The following TSACC variants were observed in gnomAD, a reference collection of about 807,000 sequenced individuals.
The protein encoded by TSACC is TSSK6-activating co-chaperone protein.
In TSACC, 3 loss-of-function variants were observed where a neutral mutation model predicts 6.9. The ratio of observed to expected loss-of-function variants is 0.43; its 90% confidence interval spans 0.20 to 1.12. TSACC has a LOEUF of 1.12. Ranked by LOEUF, TSACC falls within the 50% of genes most tolerant of loss-of-function variation. The pLI, the probability that TSACC is intolerant of heterozygous loss-of-function variation, is 0.28. For missense variants in TSACC, 137 were observed against 143.9 expected (o/e 0.95, Z 0.24); for synonymous variants, 54 against 55.1 (o/e 0.98, Z 0.09).
In TSACC at chr1:156,346,947, C is replaced by T. The variant is rs1418675416; in HGVS notation, c.343C>T (p.Pro115Ser). ...NSSLPALSPN[P>S]LLNHLPQFSK ...TTCTCTCCCAGCCTTATCTCCTAAT[C>T]CATTGTTAAATCACCTGCCCCAATT... The change falls in exon 4 of 4, where the codon CCA becomes TCA. Residue 115 changes from proline (P) to serine (S), a missense_variant. By Grantham distance (74) the Pro-to-Ser change is moderately conservative (BLOSUM62 -1). Transcript: ENST00000368254. 12 of 1,614,040 alleles carry T rather than the reference C, an allele frequency of 7.4e-6. No homozygotes were observed. Among genetic ancestry groups the T allele is most frequent in the African/African-American group, 1.3e-5 (1 of 74,912 alleles).
Position 156,338,563 on chromosome 1 carries a change from T to G in TSACC, c.-167T>G. On this transcript the variant is annotated 5_prime_UTR_variant, in exon 1 of 4. Coordinates refer to ENST00000368254, the MANE Select transcript of TSACC (RefSeq NM_001304817.2). ...CACCACTACGCATGTGTGTCAACTC[T>G]AGGGTTGGGTGCTGGGGTTGCGGCT... 2.9e-6 allele frequency: 1 copy of G among 341,350 alleles called. No individual in the cohort carries two copies. The highest frequency in any genetic ancestry group is 2.1e-5 in the African/African-American group (1 of 47,966). The allele number at this position is 341,350 out of a possible 1,614,324, so 21.1% of individuals were successfully genotyped here.
intron 3 of TSACC, 78 bp downstream of exon 3, chr1:156,344,786 C>T: frequency 6.5e-7 from 1 of 1,537,042 alleles, no homozygotes; most frequent in Non-Finnish European, 8.8e-7. Context: ...GAGCTGTCGC[C>T]TATTGATCAA....
rs1428038450 is a variant in TSACC, at chr1:156,339,701, T to C, written c.-57T>C. 1.2e-6 allele frequency: 2 copies of C among 1,605,638 alleles called. No homozygotes were observed. The highest frequency in any genetic ancestry group is 2.7e-5 in the African/African-American group (2 of 74,702). ...ATCATAGTGAAAATACTAACATGGA[T>C]TGTTGATCATCTGATGCTATGATTC... On this transcript the variant is annotated 5_prime_UTR_variant, in exon 2 of 4. Transcript: ENST00000368254.
intron 2 of TSACC, 119 bp downstream of exon 2, chr1:156,339,910 A>G: frequency 1.0e-6 from 1 of 967,876 alleles, no homozygotes. Flanking sequence ...TAAATAGTAG[A>G]TGCTCAGTAA....
upstream of TSACC, chr1:156,337,362 C>A: frequency 9.6e-6 from 2 of 209,022 alleles, no homozygotes; most frequent in Non-Finnish European, 2.0e-5. Flanking sequence ...GAACAGAGAT[C>A]GCGCCACTGC....
chr1:156,345,149 C>T (rs773841519), intron 3 of TSACC, among the ~76,000 whole-genome samples: 5 of 152,200 alleles, frequency 3.3e-5, no homozygotes, highest in Non-Finnish European at 7.3e-5. Flanking sequence ...CAACAGGGCA[C>T]TAACTAGACA....
Position 156,346,773 on chromosome 1 carries a change from C to T in TSACC, c.169C>T (p.His57Tyr). ...IQTTKLPSVD[H>Y]KPKECLGLLE... Reference sequence around the variant, plus strand: ...CGTTGCTTTTCCTTCTGGAGTTGATCACAAGCCCAAGGAATGCCTAGGACT... The same window carrying T: ...CGTTGCTTTTCCTTCTGGAGTTGATTACAAGCCCAAGGAATGCCTAGGACT... The change falls in exon 4 of 4, where the codon CAC (histidine) becomes TAC (tyrosine). Residue 57 changes from histidine (H) to tyrosine (Y), a missense_variant. Physicochemically the swap from His to Tyr is moderately conservative, Grantham distance 83. Coordinates refer to ENST00000368254, the MANE Select transcript of TSACC (RefSeq NM_001304817.2). 1 of 1,614,050 alleles carries T rather than the reference C, an allele frequency of 6.2e-7. No homozygotes were observed. Among genetic ancestry groups the T allele is most frequent in the Non-Finnish European group, 8.5e-7 (1 of 1,179,974 alleles).
chr1:156,340,423 T>A (rs2101701846), intron 2 of TSACC, among the ~76,000 whole-genome samples: 1 of 151,784 alleles, frequency 6.6e-6, no homozygotes, highest in African/African-American at 2.4e-5. Context: ...ACTCCCAAAG[T>A]GCTGGGATTA....
At chr1:156,341,877 C>G (rs1167887937) in intron 2 of TSACC, among the ~76,000 whole-genome samples, 2 of 151,876 alleles carry the variant, frequency 1.3e-5, no homozygotes, top group African/African-American at 4.8e-5. Flanking sequence ...TCCTGACTAA[C>G]ACGGTGAAAC....
chr1:156,341,993 C>T lies in TSACC; in HGVS notation c.34+2202C>T, dbSNP rs184452314. Reference sequence around the variant, plus strand: ...AGGAGAATGGCATGAACCTGGGAGGCGGAGCTTGCAGTGAGCCGAGATGGC... The same window carrying T: ...AGGAGAATGGCATGAACCTGGGAGGTGGAGCTTGCAGTGAGCCGAGATGGC... On this transcript the variant is annotated intron_variant, in intron 2 of 3. Coordinates refer to ENST00000368254, the MANE Select transcript of TSACC (RefSeq NM_001304817.2). 1.9e-3 allele frequency among the ~76,000 whole-genome samples: 279 copies of T among 146,864 alleles called. 3 individuals are homozygous for T. The highest frequency in any genetic ancestry group is 6.6e-3 in the African/African-American group (259 of 39,520).
intron 1 of TSACC, 142 bp from the exon 2 acceptor site, chr1:156,339,492 T>A: frequency 4.7e-6 from 2 of 424,862 alleles, no homozygotes; most frequent in Non-Finnish European, 8.5e-6. Flanking sequence ...TTTGGTTAAA[T>A]TACTATTTTG....
intron 2 of TSACC, among the ~76,000 whole-genome samples, chr1:156,340,416 C>T (rs1241866746): frequency 2.6e-5 from 4 of 151,958 alleles, no homozygotes; most frequent in Non-Finnish European, 5.9e-5. Context: ...GCCTTGGACT[C>T]CCAAAGTGCT....
At chr1:156,338,505 C>A (rs1395223542), upstream of TSACC, 2 of 509,884 alleles carry the variant, frequency 3.9e-6, no homozygotes, top group African/African-American at 3.8e-5. Context: ...CGAACGTCGG[C>A]GCAGGCGCCA....
intron 2 of TSACC, 76 bp from the exon 3 acceptor site, chr1:156,344,504 G>A: frequency 6.5e-7 from 1 of 1,542,210 alleles, no homozygotes; most frequent in Non-Finnish European, 8.8e-7. Flanking sequence ...CTGCTTTCAT[G>A]GACCAGGTGC....
upstream of TSACC, chr1:156,338,247 G>A (rs1007228973): frequency 3.3e-6 from 5 of 1,533,480 alleles, no homozygotes; most frequent in Non-Finnish European, 4.4e-6. Flanking sequence ...TCTGGAGAGA[G>A]AGAACCAGAC....
At chr1:156,337,974 G>C (rs568277150), upstream of TSACC, among the ~76,000 whole-genome samples, 1 of 152,304 alleles carries the variant, frequency 6.6e-6, no homozygotes, top group Admixed American at 6.5e-5. Flanking sequence ...TTGAGTTTGT[G>C]CAGAGAAGCG....
At chr1:156,342,629 A>G (rs1665960459) in intron 2 of TSACC, among the ~76,000 whole-genome samples, 2 of 152,210 alleles carry the variant, frequency 1.3e-5, no homozygotes, top group African/African-American at 4.8e-5. Flanking sequence ...CTGAGATATT[A>G]TTTCCTCAGG....
intron 2 of TSACC, among the ~76,000 whole-genome samples, chr1:156,344,267 C>G (rs552387028): frequency 1.3e-5 from 2 of 152,234 alleles, no homozygotes; most frequent in Non-Finnish European, 2.9e-5. Context: ...GATTTGTCTT[C>G]CTAACTAGAT....
At chr1:156,343,016 C>T (rs1432160791) in intron 2 of TSACC, among the ~76,000 whole-genome samples, 2 of 152,148 alleles carry the variant, frequency 1.3e-5, no homozygotes. Context: ...GGAGGAGTTC[C>T]TTGAAGGTTC....
Sources: gnomAD v4.1 joint callset for allele counts (sites outside exome capture counted in the v4.1 genomes callset) on GRCh38, gnomAD v4.1.1 for gene constraint, MANE v1.5 for transcripts, NCBI Gene and HGNC (gene_info 2026-07-23, HGNC 2026-07-21) for gene names.